Variants in SHISA6 observed in about 807,000 individuals in gnomAD.
SHISA6 encodes the protein shisa family member 6, also known as protein shisa-6.
A neutral mutation model predicts 47.9 loss-of-function variants in SHISA6; 22 were observed. That is an observed-to-expected ratio of 0.46 (90% confidence interval 0.33 to 0.66). The LOEUF is 0.66. Among genes scored for constraint, SHISA6 ranks in the 30% least tolerant of loss-of-function variants. SHISA6 has a pLI of 0.02. For synonymous variants in SHISA6, 388 were observed against 337.8 expected, an observed-to-expected ratio of 1.15 and a Z score of -1.63; for missense variants, 680 against 764.6, an observed-to-expected ratio of 0.89 and a Z score of 1.30.
chr17:11,269,272 C>T (rs145835428), intron 2 of SHISA6, among the ~76,000 whole-genome samples: 1 of 152,192 alleles, frequency 6.6e-6, no homozygotes, highest in Non-Finnish European at 1.5e-5. Flanking sequence ...GATCTCTTGA[C>T]CTCGTGACCC....
intron 2 of SHISA6, among the ~76,000 whole-genome samples, chr17:11,346,314 G>A (rs997864435): frequency 4.6e-5 from 7 of 151,994 alleles, no homozygotes; most frequent in African/African-American, 1.7e-4. Context: ...TGAATTTTGG[G>A]GTAAATTCTA....
intron 3 of SHISA6, among the ~76,000 whole-genome samples, chr17:11,485,617 A>C (rs1916327925): frequency 5.9e-5 from 9 of 152,172 alleles, no homozygotes; most frequent in Admixed American, 5.9e-4. Flanking sequence ...TTTCTCTGCA[A>C]AACGAGTTTT....
In SHISA6 at chr17:11,312,336, C is replaced by G. The variant is rs139246168; in HGVS notation, c.799+48810C>G. Among the ~76,000 whole-genome samples the G allele has an allele frequency of 8.7e-3, 1,331 of 152,134 alleles. 22 individuals carry two copies. Among genetic ancestry groups the G allele is most frequent in the African/African-American group, 0.031 (1,270 of 41,510 alleles). ...AAAACTATGAATTTCCTTCTTATAA[C>G]AACCCTTTTCACATTTTGTAATTTT... is the stretch of plus-strand genomic sequence containing the variant. On this transcript the variant is annotated intron_variant, in intron 2 of 5. Transcript: ENST00000441885.
chr17:11,504,645 A>T (rs1338428282), intron 3 of SHISA6, among the ~76,000 whole-genome samples: 2 of 152,210 alleles, frequency 1.3e-5, no homozygotes, highest in Non-Finnish European at 2.9e-5. Flanking sequence ...TTTATTTACA[A>T]CTTAATCCAA....
intron 2 of SHISA6, among the ~76,000 whole-genome samples, chr17:11,377,401 C>T (rs573403460): frequency 6.6e-6 from 1 of 152,262 alleles, no homozygotes; most frequent in South Asian, 2.1e-4. Flanking sequence ...GAAACAGTGG[C>T]AAGATTCTCC....
chr17:11,497,866 T>C (rs2071421144), intron 3 of SHISA6, among the ~76,000 whole-genome samples: 1 of 152,164 alleles, frequency 6.6e-6, no homozygotes. Context: ...CCATTTGAGT[T>C]GTTAAAGCCC....
chr17:11,266,431 G>T (rs911923824), intron 2 of SHISA6, among the ~76,000 whole-genome samples: 2 of 152,182 alleles, frequency 1.3e-5, no homozygotes, highest in African/African-American at 4.8e-5. Flanking sequence ...GAAATCACTT[G>T]GCAATTAGAG....
At chr17:11,351,289 C>T (rs1407665080) in intron 2 of SHISA6, among the ~76,000 whole-genome samples, 1 of 152,122 alleles carries the variant, frequency 6.6e-6, no homozygotes, top group Non-Finnish European at 1.5e-5. Context: ...GCACATGTAT[C>T]CCAGAACTTA....
intron 2 of SHISA6, among the ~76,000 whole-genome samples, chr17:11,308,196 GC>G (rs1567567987): frequency 1.3e-5 from 2 of 152,150 alleles, no homozygotes; most frequent in Non-Finnish European, 2.9e-5. Flanking sequence ...CGAACCATCT[GC>G]CCTGAATTTC....
intron 3 of SHISA6, among the ~76,000 whole-genome samples, chr17:11,497,937 G>A (rs1231408108): frequency 6.6e-6 from 1 of 152,206 alleles, no homozygotes; most frequent in African/African-American, 2.4e-5. Flanking sequence ...GCTTGGAGGT[G>A]AGACCTTGAG....
intron 2 of SHISA6, among the ~76,000 whole-genome samples, chr17:11,302,587 G>T (rs1416289994): frequency 2.0e-5 from 3 of 152,200 alleles, no homozygotes; most frequent in Non-Finnish European, 1.5e-5. Flanking sequence ...CTTTTGAAAA[G>T]CAAGAGAGAG....
chr17:11,515,328 G>GGAAA (rs1179948333), intron 3 of SHISA6, among the ~76,000 whole-genome samples: 3 of 128,378 alleles, frequency 2.3e-5, no homozygotes, highest in Admixed American at 7.7e-5. Context: ...AAGGAAGGAA[G>GGAAA]GAAGGAAGGA....
intron 2 of SHISA6, among the ~76,000 whole-genome samples, chr17:11,357,303 C>T (rs7207367): frequency 0.5 from 76,203 of 151,662 alleles, 19,592 homozygotes; most frequent in African/African-American, 0.61. Flanking sequence ...TTCTCATTTT[C>T]TGGAATTATG....
At chr17:11,317,296 A>G (rs920703990) in intron 2 of SHISA6, among the ~76,000 whole-genome samples, 2 of 151,920 alleles carry the variant, frequency 1.3e-5, no homozygotes, top group African/African-American at 4.8e-5. Context: ...GTTCAAAAAA[A>G]TTTATGATTG....
intron 2 of SHISA6, among the ~76,000 whole-genome samples, chr17:11,304,052 A>G (rs1050578031): frequency 6.6e-6 from 1 of 152,226 alleles, no homozygotes; most frequent in Non-Finnish European, 1.5e-5. Context: ...GCAGAAGGCC[A>G]TATCAGGAAG....
intron 2 of SHISA6, among the ~76,000 whole-genome samples, chr17:11,266,047 A>G (rs1908413946): frequency 6.6e-6 from 1 of 152,230 alleles, no homozygotes. Context: ...AAGCAATTTC[A>G]TCACAAGCCG....
At chr17:11,265,554 T>G (rs768610092) in intron 2 of SHISA6, among the ~76,000 whole-genome samples, 1 of 152,170 alleles carries the variant, frequency 6.6e-6, no homozygotes, top group Admixed American at 6.5e-5. Context: ...TTGTCATTGA[T>G]CACTGTTGAA....
chr17:11,544,945 A>G lies in SHISA6; in HGVS notation c.896-6951A>G, dbSNP rs545701363. On this transcript the variant is annotated intron_variant, in intron 3 of 5. Transcript: ENST00000441885. ...CACTGCACTCCAGCCTGGGCAACAG[A>G]GAAAGACTCTCTCTCCAAAAAAAAA... 7.4e-5 allele frequency among the ~76,000 whole-genome samples: 11 copies of G among 148,006 alleles called. No individual in the cohort carries two copies. The East Asian group carries it at 2.2e-3, about 29-fold the overall frequency.
At chr17:11,427,423 G>A (rs993545734) in intron 3 of SHISA6, among the ~76,000 whole-genome samples, 29 of 151,988 alleles carry the variant, frequency 1.9e-4, no homozygotes, top group African/African-American at 4.6e-4. Flanking sequence ...GTGAGCCACC[G>A]CGCCCGGCCC....
Sources: allele counts gnomAD v4.1 joint callset (sites outside exome capture counted in the v4.1 genomes callset), GRCh38; gene constraint gnomAD v4.1.1; transcripts MANE v1.5; gene names NCBI Gene and HGNC (gene_info 2026-07-23, HGNC 2026-07-21).